Variants in DOK7 observed in about 807,000 individuals in gnomAD.
DOK7 encodes protein Dok-7.
DOK7 carries 32 observed loss-of-function variants against 30.7 expected under a neutral mutation model. The observed-to-expected ratio is 1.04, with a 90% confidence interval of 0.79 to 1.40. The LOEUF (loss-of-function observed/expected upper bound fraction) is 1.40. DOK7 is among the 40% of genes most tolerant of loss of function. The probability of loss-of-function intolerance (pLI) is 0.00; values close to 1 mark genes in which losing one functional copy is unlikely to be tolerated. For missense variants in DOK7, 1,007 were observed against 699.2 expected, an observed-to-expected ratio of 1.44 and a Z score of -4.97; for synonymous variants, 447 against 324.1, an observed-to-expected ratio of 1.38 and a Z score of -4.07.
Position 3,468,474 on chromosome 4 carries a change from C to A in DOK7, c.100+4923C>A, listed in dbSNP as rs571587875. On this transcript the variant is annotated intron_variant, in intron 2 of 6. Transcript: ENST00000340083. ...TGCCTGTGTGTGCATGTATGTGTGC[C>A]TCTGTGTACATGTATGAGTGTGCAT... is the stretch of plus-strand genomic sequence containing the variant. 1.7e-4 allele frequency among the ~76,000 whole-genome samples: 23 copies of A among 134,828 alleles called. No homozygotes were observed. The South Asian group carries it at 3.0e-3, about 17-fold the overall frequency. The allele number at this position is 134,828 out of a possible 152,430, so 88.5% of individuals were successfully genotyped here. A position where few individuals can be genotyped will look rare whatever the true frequency, so the allele number is the denominator to read the frequency against.
chr4:3,475,324 G>A (rs935502851), intron 3 of DOK7, among the ~76,000 whole-genome samples: 6 of 152,378 alleles, frequency 3.9e-5, no homozygotes, highest in Admixed American at 6.5e-5. Context: ...TTGATAGAAC[G>A]TGGCCTGACA....
rs1728039557 is a variant in DOK7, at chr4:3,489,595, T to C, written c.653-82T>C. 3 of 1,547,930 alleles carry C rather than the reference T, an allele frequency of 1.9e-6. No homozygotes were observed. The South Asian group carries it at 3.6e-5, about 18-fold the overall frequency. On this transcript the variant is annotated intron_variant, in intron 5 of 6. Transcript: ENST00000340083. The stretch of plus-strand genomic sequence containing the variant: ...CCACTCCACAGAGGGGGATAACCAC[T>C]GAGTCAGGCTGGGCCTGGTGCCTGC...
At chr4:3,500,519 C>T in intron 7 of DOK7, 3 of 1,479,170 alleles carry the variant, frequency 2.0e-6, no homozygotes, top group Non-Finnish European at 2.7e-6. Context: ...TTCCTACAGC[C>T]TCCCCCCAGG....
At chr4:3,501,132 G>T in exon 8 of DOK7, 1 of 421,336 alleles carries the variant, frequency 2.4e-6, no homozygotes. Context: ...ATCTCAGGCA[G>T]AGGCTGCTGC....
At chr4:3,485,759 G>C (rs1727740107) in intron 5 of DOK7, 101 bp downstream of exon 5, 1 of 1,341,958 alleles carries the variant, frequency 7.5e-7, no homozygotes, top group Admixed American at 3.6e-5. Flanking sequence ...CAGTTAGATG[G>C]CCAGCCTCCC....
At chr4:3,489,104 C>T (rs990203280) in intron 5 of DOK7, among the ~76,000 whole-genome samples, 1 of 152,156 alleles carries the variant, frequency 6.6e-6, no homozygotes, top group African/African-American at 2.4e-5. Context: ...GCTGGTGCTC[C>T]CTGGATGCAG....
intron 5 of DOK7, among the ~76,000 whole-genome samples, chr4:3,488,543 C>G (rs531281679): frequency 2.6e-5 from 4 of 152,218 alleles, no homozygotes; most frequent in African/African-American, 9.6e-5. Flanking sequence ...GGGTTCTGTC[C>G]GCTGAGGCTC....
chr4:3,488,526 C>T (rs1023930517), intron 5 of DOK7, among the ~76,000 whole-genome samples: 1 of 152,242 alleles, frequency 6.6e-6, no homozygotes, highest in Non-Finnish European at 1.5e-5. Context: ...CCAGCCTCCG[C>T]CAGGCTGGGT....
chr4:3,478,697 G>T (rs1338068830), intron 4 of DOK7, among the ~76,000 whole-genome samples: 1 of 139,122 alleles, frequency 7.2e-6, no homozygotes, highest in African/African-American at 2.6e-5. Context: ...TTCGGTCACC[G>T]ACGGCTGCAC....
chr4:3,499,786 CGGA>C (rs1729101606), intron 6 of DOK7, among the ~76,000 whole-genome samples: 1 of 148,008 alleles, frequency 6.8e-6, no homozygotes, highest in South Asian at 2.2e-4. Flanking sequence ...GGGGTGACCC[CGGA>C]GGACAGTGAG....
intron 4 of DOK7, chr4:3,484,401 TCCCCCCAACTCCTGCC>T: frequency 9.8e-6 from 7 of 713,128 alleles, no homozygotes; most frequent in Middle Eastern, 7.1e-4. Context: ...AGATTTCCCT[TCCCCCCAACTCCTGCC>T]CACCCCGGCG....
At chr4:3,491,320 C>G (rs535006779) in intron 6 of DOK7, among the ~76,000 whole-genome samples, 1 of 143,216 alleles carries the variant, frequency 7.0e-6, no homozygotes, top group Non-Finnish European at 1.5e-5. Flanking sequence ...CCTTCTCCCC[C>G]TGCTCATTCA....
At chr4:3,481,191 G>A (rs528042285) in intron 4 of DOK7, among the ~76,000 whole-genome samples, 1 of 151,968 alleles carries the variant, frequency 6.6e-6, no homozygotes, top group Admixed American at 6.5e-5. Context: ...CCATTGTCTC[G>A]GAGCAGCAGG....
At chr4:3,465,578 C>G (rs374760723) in intron 2 of DOK7, among the ~76,000 whole-genome samples, 4 of 152,252 alleles carry the variant, frequency 2.6e-5, no homozygotes, top group Non-Finnish European at 5.9e-5. Context: ...TCCACTGGCA[C>G]CTTTCTCCTC....
chr4:3,490,284 T>G (rs1250385524), intron 6 of DOK7, among the ~76,000 whole-genome samples: 1 of 93,530 alleles, frequency 1.1e-5, no homozygotes. Flanking sequence ...CCCACCTTGC[T>G]CATTCATTTC....
intron 2 of DOK7, among the ~76,000 whole-genome samples, chr4:3,466,091 C>T (rs151240794): frequency 0.011 from 1,724 of 152,130 alleles, 29 homozygotes; most frequent in African/African-American, 0.04. Context: ...CTGGAGCTGG[C>T]AGGGTCTTGG....
Position 3,491,352 on chromosome 4 carries a change from T to C in DOK7, c.773-1407T>C, listed in dbSNP as rs900567724. ...TTCATTCCTTCCTTCTTCGCCTGCT[T>C]GTTCCTTCCTTCCTCTGCTCCCCCT... On this transcript the variant is annotated intron_variant, in intron 6 of 6. Transcript: ENST00000340083. Among the ~76,000 whole-genome samples, 138 of 35,398 alleles carry C rather than the reference T, an allele frequency of 3.9e-3. 1 individual carries two copies. Among genetic ancestry groups the C allele is most frequent in the East Asian group, 9.3e-3 (2 of 214 alleles). 23.2% of individuals were successfully genotyped at this position (35,398 alleles called of 152,430 possible). A position where few individuals can be genotyped will look rare whatever the true frequency, so the allele number is the denominator to read the frequency against.
chr4:3,497,174 G>C (rs545693878), downstream of DOK7, among the ~76,000 whole-genome samples: 4 of 152,030 alleles, frequency 2.6e-5, no homozygotes, highest in African/African-American at 7.3e-5. Context: ...TGAAGGTTGG[G>C]AGACACAGAC....
At chr4:3,489,873 T>C (rs1728087347) in intron 6 of DOK7, 77 bp downstream of exon 6, 1 of 1,527,770 alleles carries the variant, frequency 6.5e-7, no homozygotes, top group Non-Finnish European at 8.8e-7. Flanking sequence ...CATCCATGCA[T>C]GTGTGGGGGC....
Sources: gnomAD v4.1 joint callset for allele counts (sites outside exome capture counted in the v4.1 genomes callset) on GRCh38, gnomAD v4.1.1 for gene constraint, MANE v1.5 for transcripts, NCBI Gene and HGNC (gene_info 2026-07-23, HGNC 2026-07-21) for gene names.